The following FGGY variants were observed in gnomAD, a reference collection of about 807,000 sequenced individuals.
FGGY encodes FGGY carbohydrate kinase domain-containing protein.
A neutral mutation model predicts 71.3 loss-of-function variants in FGGY; 72 were observed. The ratio of observed to expected loss-of-function variants is 1.01; its 90% CI spans 0.84 to 1.23. FGGY has a LOEUF of 1.23. Among genes scored for constraint, FGGY ranks in the 50% most tolerant of loss-of-function variants. The probability of loss-of-function intolerance (pLI) is 0.00; values close to 1 mark genes in which losing one functional copy is unlikely to be tolerated. For synonymous variants in FGGY, 251 were observed against 250.3 expected, an observed-to-expected ratio of 1.00 and a Z score of -0.02; for missense variants, 668 against 682.3, an observed-to-expected ratio of 0.98 and a Z score of 0.23.
intron 5 of FGGY, among the ~76,000 whole-genome samples, chr1:59,442,800 C>G (rs905881822): frequency 3.3e-5 from 5 of 152,104 alleles, no homozygotes; most frequent in African/African-American, 4.8e-5. Flanking sequence ...CTGACAAAGA[C>G]AGGAATAGGA....
intron 8 of FGGY, among the ~76,000 whole-genome samples, chr1:59,582,104 G>T (rs2096205438): frequency 6.7e-6 from 1 of 149,092 alleles, no homozygotes; most frequent in Non-Finnish European, 1.5e-5. Context: ...AAAAAAGCTG[G>T]ATGTGGTGGT....
chr1:59,453,498 G>T (rs975921344), intron 5 of FGGY, among the ~76,000 whole-genome samples: 2 of 152,192 alleles, frequency 1.3e-5, no homozygotes, highest in African/African-American at 4.8e-5. Context: ...CATTTAGGCT[G>T]TGCTGTCCTA....
rs111353878 is a variant in FGGY at position 59,709,466 on chromosome 1, T to TCACACACACACA, written c.1512+35357_1512+35368dup. On this transcript the variant is annotated intron_variant, in intron 14 of 15. Transcript: ENST00000303721. ...GGTGGAGACACAGAATGAAACTATA[T>TCACACACACACA]CACACACACACACACACACACACAC... Among the ~76,000 whole-genome samples the TCACACACACACA allele has an allele frequency of 1.3e-3, 189 of 142,770 alleles. 1 individual carries two copies. Among genetic ancestry groups the TCACACACACACA allele is most frequent in the African/African-American group, 2.8e-3 (109 of 38,326 alleles). The allele number at this position is 142,770 out of a possible 152,430, so 93.7% of individuals were successfully genotyped here.
intron 6 of FGGY, among the ~76,000 whole-genome samples, chr1:59,461,484 T>C (rs1381624932): frequency 1.3e-5 from 2 of 152,188 alleles, no homozygotes; most frequent in Non-Finnish European, 2.9e-5. Flanking sequence ...GGAAACAAGC[T>C]GGAAAACACA....
chr1:59,418,933 G>T (rs1056366245), intron 5 of FGGY, among the ~76,000 whole-genome samples: 2 of 152,114 alleles, frequency 1.3e-5, no homozygotes, highest in African/African-American at 4.8e-5. Context: ...TACAGGCCAG[G>T]GTTTCCTAGG....
At chr1:59,501,941 T>C (rs2094238288) in intron 6 of FGGY, among the ~76,000 whole-genome samples, 1 of 152,208 alleles carries the variant, frequency 6.6e-6, no homozygotes, top group South Asian at 2.1e-4. Context: ...ACACTGGGAA[T>C]AGGGAGTCAT....
At chr1:59,713,741 C>T (rs553317878) in intron 14 of FGGY, among the ~76,000 whole-genome samples, 1 of 152,338 alleles carries the variant, frequency 6.6e-6, no homozygotes, top group East Asian at 1.9e-4. Context: ...AGTTTGAGAA[C>T]TCCTACTCTA....
chr1:59,565,400 T>G (rs1381157675), intron 8 of FGGY, among the ~76,000 whole-genome samples: 6 of 152,164 alleles, frequency 3.9e-5, no homozygotes, highest in Non-Finnish European at 8.8e-5. Flanking sequence ...GTCTCCTGCC[T>G]CAGCCTCCTG....
At chr1:59,635,042 T>A (rs1410382035) in intron 10 of FGGY, among the ~76,000 whole-genome samples, 1 of 152,198 alleles carries the variant, frequency 6.6e-6, no homozygotes, top group East Asian at 1.9e-4. Flanking sequence ...TCACAGTTAA[T>A]ATGTGATTCC....
chr1:59,314,031 A>G (rs1015581603), intron 1 of FGGY, among the ~76,000 whole-genome samples: 9 of 151,926 alleles, frequency 5.9e-5, no homozygotes, highest in African/African-American at 1.2e-4. Context: ...CGGTAGCGCA[A>G]TCTCGCTCAC....
At chr1:59,376,930 A>G (rs947320284) in intron 4 of FGGY, among the ~76,000 whole-genome samples, 1 of 152,196 alleles carries the variant, frequency 6.6e-6, no homozygotes, top group African/African-American at 2.4e-5. Context: ...TGGCCACTTC[A>G]TGCTTTTCAA....
chr1:59,310,932 AC>A (rs1223774097), intron 1 of FGGY, among the ~76,000 whole-genome samples: 1 of 152,164 alleles, frequency 6.6e-6, no homozygotes, highest in Non-Finnish European at 1.5e-5. Flanking sequence ...CTCCTTCACA[AC>A]CCAGTAATTC....
chr1:59,340,004 T>G lies in FGGY; in HGVS notation c.248T>G (p.Phe83Cys). Residue 83 changes from phenylalanine (F) to cysteine (C), a missense_variant, in exon 3 of 16, where the codon TTT (phenylalanine) becomes TGT (cysteine). Physicochemically the swap from Phe to Cys is radical, Grantham distance 205. Transcript: ENST00000303721. ...TTAAACCAAATTCGAGGACTTGGGT[T>G]TGATGCCACGTGTTCTCTGGTTGTT... ...IDLNQIRGLGFDATCSLVVLD... is the reference protein window; with the variant it reads ...IDLNQIRGLGCDATCSLVVLD... The G allele has an allele frequency of 6.2e-7, 1 of 1,613,468 alleles. No individual in the cohort carries two copies. Among genetic ancestry groups the G allele is most frequent in the South Asian group, 1.1e-5 (1 of 91,008 alleles).
chr1:59,753,853 G>A (rs748904664), intron 14 of FGGY, among the ~76,000 whole-genome samples: 1 of 151,932 alleles, frequency 6.6e-6, no homozygotes, highest in Non-Finnish European at 1.5e-5. Context: ...TCCCTGCTCT[G>A]GTTAAAAATC....
intron 10 of FGGY, among the ~76,000 whole-genome samples, chr1:59,630,699 T>C (rs536659948): frequency 6.6e-6 from 1 of 152,314 alleles, no homozygotes; most frequent in East Asian, 1.9e-4. Flanking sequence ...TAGCTTCTGT[T>C]GCAAATCATA....
intron 5 of FGGY, among the ~76,000 whole-genome samples, chr1:59,432,769 A>C (rs1190802329): frequency 6.6e-6 from 1 of 152,196 alleles, no homozygotes; most frequent in Non-Finnish European, 1.5e-5. Flanking sequence ...AGTAGTAGGA[A>C]GAAGAGGTGT....
At chr1:59,403,061 A>G (rs945771390) in intron 5 of FGGY, among the ~76,000 whole-genome samples, 1 of 152,088 alleles carries the variant, frequency 6.6e-6, no homozygotes, top group Non-Finnish European at 1.5e-5. Context: ...CATGGTCTGG[A>G]TGGGGCCCCT....
At chr1:59,410,531 T>A (rs1199430424) in intron 5 of FGGY, among the ~76,000 whole-genome samples, 2 of 152,188 alleles carry the variant, frequency 1.3e-5, no homozygotes, top group Non-Finnish European at 2.9e-5. Flanking sequence ...GTGAGAACTA[T>A]AATTGGTCTG....
chr1:59,484,786 A>G (rs1407739246), intron 6 of FGGY, among the ~76,000 whole-genome samples: 1 of 152,222 alleles, frequency 6.6e-6, no homozygotes, highest in Non-Finnish European at 1.5e-5. Flanking sequence ...AGACTTATAA[A>G]AGATAGGTTA....
Sources: allele counts gnomAD v4.1 joint callset (sites outside exome capture counted in the v4.1 genomes callset), GRCh38; gene constraint gnomAD v4.1.1; transcripts MANE v1.5; gene names NCBI Gene and HGNC (gene_info 2026-07-23, HGNC 2026-07-21).